PTGFRN: variants seen among roughly 807,000 people sequenced by gnomAD.
PTGFRN encodes the protein prostaglandin F2 receptor inhibitor, also known as prostaglandin F2 receptor negative regulator.
A neutral mutation model predicts 83.2 loss-of-function variants in PTGFRN; 35 were observed. The observed-to-expected ratio is 0.42, with a 90% CI of 0.32 to 0.56. PTGFRN has a LOEUF of 0.56. PTGFRN is among the 20% of genes least tolerant of loss of function. The pLI is 0.11. For missense variants in PTGFRN, 1,051 were observed against 1,179.5 expected, an observed-to-expected ratio of 0.89 and a Z score of 1.60; for synonymous variants, 519 against 498.6, an observed-to-expected ratio of 1.04 and a Z score of -0.55.
At chr1:116,950,889 G>A (rs1419169961) in intron 4 of PTGFRN, among the ~76,000 whole-genome samples, 6 of 152,176 alleles carry the variant, frequency 3.9e-5, no homozygotes, top group Non-Finnish European at 8.8e-5. Flanking sequence ...ATGCAAGAGA[G>A]TCACTATGAA....
chr1:116,913,545 C>T (rs1397402208), intron 1 of PTGFRN, among the ~76,000 whole-genome samples: 1 of 152,068 alleles, frequency 6.6e-6, no homozygotes, highest in South Asian at 2.1e-4. Flanking sequence ...TTTGTTGGTG[C>T]TCTGGGTGCT....
At chr1:116,915,664 TC>T (rs1005462584) in intron 1 of PTGFRN, among the ~76,000 whole-genome samples, 1 of 152,156 alleles carries the variant, frequency 6.6e-6, no homozygotes, top group Non-Finnish European at 1.5e-5. Flanking sequence ...GAGCTGATTT[TC>T]CCCCCGTAGA....
At chr1:116,948,613 G>C (rs560131659) in intron 3 of PTGFRN, among the ~76,000 whole-genome samples, 3 of 152,246 alleles carry the variant, frequency 2.0e-5, no homozygotes, top group South Asian at 4.1e-4. Context: ...CACTTCTGCT[G>C]CCTTATTGCC....
chr1:116,913,620 C>T (rs1159209905), intron 1 of PTGFRN, among the ~76,000 whole-genome samples: 1 of 152,166 alleles, frequency 6.6e-6, no homozygotes, highest in Non-Finnish European at 1.5e-5. Context: ...TTGTTCCCTA[C>T]TCTGATTGTT....
chr1:116,910,138 A>AGAGGAG lies in PTGFRN; in HGVS notation c.-56_-51dup, dbSNP rs571250223. ...CGACTCTGGAGCAGCCGGAGCTGGA[A>AGAGGAG]GAGGAGGAGGAGGAGAGGCGGCGGG... On this transcript the variant is annotated 5_prime_UTR_variant, in exon 1 of 9. Coordinates refer to ENST00000393203, the MANE Select transcript of PTGFRN (RefSeq NM_020440.4). 12 of 1,471,582 alleles carry AGAGGAG rather than the reference A, an allele frequency of 8.2e-6. No homozygotes were observed. In the East Asian group the frequency reaches 1.6e-4, roughly 19 times the overall value. 91.2% of individuals were successfully genotyped at this position (1,471,582 alleles called of 1,614,324 possible).
chr1:116,941,585 A>C lies in PTGFRN; in HGVS notation c.50-130A>C. The C allele has an allele frequency of 7.8e-7, 1 of 1,279,452 alleles. No homozygotes were observed. Among genetic ancestry groups the C allele is most frequent in the Non-Finnish European group, 1.1e-6 (1 of 934,008 alleles). The allele number at this position is 1,279,452 out of a possible 1,614,324, so 79.3% of individuals were successfully genotyped here. On this transcript the variant is annotated intron_variant, in intron 1 of 8. Coordinates refer to ENST00000393203, the MANE Select transcript of PTGFRN (RefSeq NM_020440.4). The surrounding 1 kb of genome is among the most constrained non-coding windows in gnomAD (Gnocchi z 5.0). ...TAGGCTTAACCTTCTGCATAGATAC[A>C]TTTTCCCTAGTAGTTTGGCTGTCAC...
chr1:116,948,425 T>C (rs1401942650), intron 3 of PTGFRN, among the ~76,000 whole-genome samples: 1 of 152,136 alleles, frequency 6.6e-6, no homozygotes, highest in Non-Finnish European at 1.5e-5. Flanking sequence ...AAAATCATCG[T>C]GTTTTAGTTT....
intron 1 of PTGFRN, among the ~76,000 whole-genome samples, chr1:116,924,184 T>G (rs2250323): frequency 0.16 from 23,240 of 147,482 alleles, 4,074 homozygotes; most frequent in African/African-American, 0.44. Context: ...GTCTCACTCT[T>G]TTGCCTAGAC....
intron 7 of PTGFRN, among the ~76,000 whole-genome samples, chr1:116,979,270 A>G (rs1312656129): frequency 6.6e-6 from 1 of 152,234 alleles, no homozygotes; most frequent in African/African-American, 2.4e-5. Flanking sequence ...AGGAAGAATC[A>G]ATATCATGAA....
chr1:116,941,841 G>C lies in PTGFRN; in HGVS notation c.176G>C (p.Ser59Thr). 1 of 1,614,180 alleles carries C rather than the reference G, an allele frequency of 6.2e-7. No individual in the cohort carries two copies. The highest frequency in any genetic ancestry group is 8.5e-7 in the Non-Finnish European group (1 of 1,180,034). Residue 59 changes from serine (S) to threonine (T), a missense_variant, in exon 2 of 9, where the codon AGC becomes ACC. Physicochemically the swap from Ser to Thr is moderately conservative, Grantham distance 58. This residue lies in a region of PTGFRN where 127 missense variants were observed against 168.4 expected (regional missense o/e 0.75). Transcript: ENST00000393203. This position sits in a 1 kb window ranked among gnomAD's most constrained non-coding sequence, Gnocchi z 5.0. ...DGPSEQNFDW[S>T]FSSLGSSFVE... The stretch of plus-strand genomic sequence containing the variant: ...CCCAGCGAGCAAAACTTTGACTGGA[G>C]CTTCTCATCTTTGGGGAGCAGCTTT...
chr1:116,957,977 T>C (rs1183361567), intron 4 of PTGFRN, among the ~76,000 whole-genome samples: 1 of 152,196 alleles, frequency 6.6e-6, no homozygotes, highest in African/African-American at 2.4e-5. Flanking sequence ...AATAGTAGTC[T>C]ATTGTGTATA....
At chr1:116,919,041 T>A (rs1649475669) in intron 1 of PTGFRN, among the ~76,000 whole-genome samples, 1 of 152,036 alleles carries the variant, frequency 6.6e-6, no homozygotes, top group Non-Finnish European at 1.5e-5. Flanking sequence ...GAGGTGAGGA[T>A]CAAGAGAGGT....
intron 4 of PTGFRN, among the ~76,000 whole-genome samples, chr1:116,951,870 A>G (rs149749450): frequency 5.4e-4 from 82 of 152,318 alleles, no homozygotes; most frequent in Non-Finnish European, 7.8e-4. Context: ...ATGTGCATGT[A>G]TATGCGTACG....
At chr1:116,924,954 C>T (rs1184656311) in intron 1 of PTGFRN, among the ~76,000 whole-genome samples, 1 of 152,256 alleles carries the variant, frequency 6.6e-6, no homozygotes, top group Non-Finnish European at 1.5e-5. Context: ...TGGTGGCAAG[C>T]AGACCCGCAG....
chr1:116,947,035 G>C (rs1434998622), intron 3 of PTGFRN, among the ~76,000 whole-genome samples: 1 of 152,146 alleles, frequency 6.6e-6, no homozygotes, highest in East Asian at 1.9e-4. Context: ...CTATATTTCA[G>C]GTACAGATTA....
intron 7 of PTGFRN, among the ~76,000 whole-genome samples, chr1:116,976,698 T>G (rs1651165955): frequency 6.6e-6 from 1 of 152,162 alleles, no homozygotes; most frequent in Non-Finnish European, 1.5e-5. Context: ...CCACCAGGCC[T>G]GCCCTACAAG....
chr1:116,964,951 C>A (rs1650784354), intron 5 of PTGFRN, among the ~76,000 whole-genome samples: 1 of 152,256 alleles, frequency 6.6e-6, no homozygotes, highest in Non-Finnish European at 1.5e-5. Context: ...GCAGCTGGAA[C>A]AATCCTGTTA....
intron 1 of PTGFRN, among the ~76,000 whole-genome samples, chr1:116,911,684 C>T (rs1272109304): frequency 6.6e-6 from 1 of 152,154 alleles, no homozygotes; most frequent in East Asian, 1.9e-4. Context: ...AGTCTTTCAC[C>T]CAGTCTGGAG....
Position 116,949,440 on chromosome 1 carries a change from C to T in PTGFRN, c.1081C>T (p.Arg361Trp), listed in dbSNP as rs202082288. The part of the protein sequence containing the change: ...VDARSYHLLV[R>W]DVSKENSGYY... ...TGCACGCTCCTACCATTTACTGGTTCGGGATGTTAGCAAAGAAAACTCTGG... is the reference window on the plus strand; with the variant it reads ...TGCACGCTCCTACCATTTACTGGTTTGGGATGTTAGCAAAGAAAACTCTGG... Residue 361 changes from arginine to tryptophan, a missense_variant, in exon 4 of 9, where the codon CGG (arginine) becomes TGG (tryptophan). Arg to Trp is a moderately radical substitution (Grantham distance 101). Coordinates refer to ENST00000393203, the MANE Select transcript of PTGFRN (RefSeq NM_020440.4). The T allele has an allele frequency of 2.4e-5, 38 of 1,614,202 alleles. No individual in the cohort carries two copies. Among genetic ancestry groups the T allele is most frequent in the South Asian group, 9.9e-5 (9 of 91,080 alleles).
Sources: allele counts gnomAD v4.1 joint callset (sites outside exome capture counted in the v4.1 genomes callset), GRCh38; gene constraint gnomAD v4.1.1; regional missense constraint gnomAD v4.1.1; non-coding constraint Gnocchi (gnomAD v3.1); transcripts MANE v1.5; gene names NCBI Gene and HGNC (gene_info 2026-07-23, HGNC 2026-07-21).